Variants in PARD3B observed in about 807,000 individuals in gnomAD.
The protein encoded by PARD3B is partitioning defective 3 homolog B.
A neutral mutation model predicts 130.2 loss-of-function variants in PARD3B; 103 were observed. The ratio of observed to expected loss-of-function variants is 0.79; its 90% CI spans 0.67 to 0.93. The LOEUF (loss-of-function observed/expected upper bound fraction) is 0.93, where lower values mean the gene tolerates loss of function less well. Ranked by LOEUF, PARD3B falls within the 40% of genes least tolerant of loss-of-function variation. PARD3B has a pLI of 0.00. For synonymous variants in PARD3B, 583 were observed against 553.2 expected (o/e 1.05, Z -0.76); for missense variants, 1,609 against 1,499.2 (o/e 1.07, Z -1.21).
At chr2:204,596,840 CCCGGGAGG>C (rs1478714096) in intron 1 of PARD3B, among the ~76,000 whole-genome samples, 2 of 151,894 alleles carry the variant, frequency 1.3e-5, no homozygotes, top group East Asian at 3.9e-4. Context: ...ATTGCTTGAA[CCCGGGAGG>C]CAGAGGTTGC....
At chr2:204,963,898 A>G (rs1259338054) in intron 2 of PARD3B, among the ~76,000 whole-genome samples, 1 of 152,196 alleles carries the variant, frequency 6.6e-6, no homozygotes. Context: ...CCATACTGGA[A>G]ATGAGTAGTC....
At chr2:205,165,800 C>T (rs1206479001) in intron 11 of PARD3B, among the ~76,000 whole-genome samples, 2 of 151,962 alleles carry the variant, frequency 1.3e-5, no homozygotes, top group Non-Finnish European at 2.9e-5. Flanking sequence ...AGGTGATTTG[C>T]TGCTGGGACT....
intron 3 of PARD3B, among the ~76,000 whole-genome samples, chr2:204,975,220 G>A (rs900284417): frequency 6.6e-6 from 1 of 152,126 alleles, no homozygotes; most frequent in African/African-American, 2.4e-5. Flanking sequence ...AGTTGATGGG[G>A]AGGTTCAAGG....
rs74710504 is a variant in PARD3B, at chr2:205,437,011, A to T, written c.2742-3359A>T. Among the ~76,000 whole-genome samples the T allele has an allele frequency of 6.7e-3, 1,021 of 152,052 alleles. 7 individuals are homozygous for T. Among genetic ancestry groups the T allele is most frequent in the Middle Eastern group, 0.02 (6 of 294 alleles). On this transcript the variant is annotated intron_variant, in intron 19 of 22. Coordinates refer to ENST00000406610, the MANE Select transcript of PARD3B (RefSeq NM_001302769.2). The stretch of plus-strand genomic sequence containing the variant: ...GATCCCCACAAAGAATTACCGTACA[A>T]TTCCAGGGTCCTATTCCTATCCTTA...
Position 205,500,026 on chromosome 2 carries a change from C to G in PARD3B, c.3175C>G (p.Leu1059Val). ...AGCAAGGCCATCTGAGTATGACCTA[C>G]TCTGGGTAAGCGCATGCATGATTTC... Reference protein sequence around the residue: ...GRARPSEYDLLWVPGRGPDGN... With the variant: ...GRARPSEYDLVWVPGRGPDGN... The change falls in exon 21 of 23, where the codon CTC (leucine) becomes GTC (valine). Residue 1059 changes from leucine to valine, a missense_variant. Coordinates refer to ENST00000406610, the MANE Select transcript of PARD3B (RefSeq NM_001302769.2). 2 of 1,613,438 alleles carry G rather than the reference C, an allele frequency of 1.2e-6. No individual in the cohort carries two copies. The highest frequency in any genetic ancestry group is 1.7e-6 in the Non-Finnish European group (2 of 1,179,604).
chr2:205,185,248 G>A (rs539645285), intron 13 of PARD3B, among the ~76,000 whole-genome samples: 9 of 149,490 alleles, frequency 6.0e-5, no homozygotes, highest in Admixed American at 4.6e-4. Flanking sequence ...AAAAAAGAGC[G>A]CACGTTTGTG....
At chr2:204,932,081 C>T (rs1274250722) in intron 2 of PARD3B, among the ~76,000 whole-genome samples, 1 of 152,054 alleles carries the variant, frequency 6.6e-6, no homozygotes, top group Non-Finnish European at 1.5e-5. Flanking sequence ...GTAAGCTACA[C>T]ATTTGGTATT....
chr2:204,766,320 A>G (rs1289025484), intron 2 of PARD3B, among the ~76,000 whole-genome samples: 1 of 152,158 alleles, frequency 6.6e-6, no homozygotes, highest in Non-Finnish European at 1.5e-5. Context: ...AAAATATTTA[A>G]TATTCTCATT....
chr2:205,127,296 C>CAAAA (rs34822432), intron 10 of PARD3B, among the ~76,000 whole-genome samples: 1 of 100,634 alleles, frequency 9.9e-6, no homozygotes, highest in African/African-American at 4.0e-5. Flanking sequence ...GACTCTGTCT[C>CAAAA]AAAAAAAAAA....
rs114487403 is a variant in PARD3B at position 205,289,999 on chromosome 2, A to G, written c.2186-10531A>G. Among the ~76,000 whole-genome samples, 1,269 of 152,292 alleles carry G rather than the reference A, an allele frequency of 8.3e-3. 23 individuals are homozygous for G. The highest frequency in any genetic ancestry group is 0.029 in the African/African-American group (1,187 of 41,544). On this transcript the variant is annotated intron_variant, in intron 16 of 22. Coordinates refer to ENST00000406610, the MANE Select transcript of PARD3B (RefSeq NM_001302769.2). ...CATTCTCAGGTATTCAGTTATAGCAACAAAAAACGGACTAAGAGAACCCAA... is the reference window on the plus strand; with the variant it reads ...CATTCTCAGGTATTCAGTTATAGCAGCAAAAAACGGACTAAGAGAACCCAA...
chr2:205,567,216 G>A (rs1346244081), intron 22 of PARD3B, among the ~76,000 whole-genome samples: 1 of 151,098 alleles, frequency 6.6e-6, no homozygotes, highest in Non-Finnish European at 1.5e-5. Context: ...GGAGGATAGA[G>A]AGGAAGGGAA....
chr2:204,637,725 T>A (rs1168693523), intron 1 of PARD3B, among the ~76,000 whole-genome samples: 2 of 152,166 alleles, frequency 1.3e-5, no homozygotes, highest in East Asian at 3.9e-4. Context: ...GCAAATTGGT[T>A]ACAGCTTTTT....
At position 205,185,860 on chromosome 2, in the gene PARD3B, A is replaced by C; in HGVS notation, c.2021A>C (p.His674Pro). The C allele has an allele frequency of 6.2e-7, 1 of 1,610,024 alleles. No homozygotes were observed. Among genetic ancestry groups the C allele is most frequent in the Middle Eastern group, 1.7e-4 (1 of 6,058 alleles). Residue 674 changes from histidine (H) to proline (P), a missense_variant, in exon 14 of 23, where the codon CAC (histidine) becomes CCC (proline). His to Pro is a moderately conservative substitution (Grantham distance 77). Coordinates refer to ENST00000406610, the MANE Select transcript of PARD3B (RefSeq NM_001302769.2). ...ALGLGLEDYS[H>P]SSGVDSAVYF... is the part of the protein sequence containing the mutation. The stretch of plus-strand genomic sequence containing the variant: ...GGATTGGGCCTCGAAGATTACAGCC[A>C]CAGGTATTGATAAAATGATGTATCG...
At chr2:205,090,808 C>T (rs576533484) in intron 4 of PARD3B, among the ~76,000 whole-genome samples, 21 of 152,120 alleles carry the variant, frequency 1.4e-4, no homozygotes, top group Non-Finnish European at 2.4e-4. Context: ...GATGCACATG[C>T]TATGGGAAAA....
chr2:204,939,332 G>A lies in PARD3B; in HGVS notation c.223-25820G>A, dbSNP rs144492522. Among the ~76,000 whole-genome samples, 1,366 of 152,128 alleles carry A rather than the reference G, an allele frequency of 9.0e-3. 25 individuals carry two copies. Among genetic ancestry groups the A allele is most frequent in the African/African-American group, 0.031 (1,296 of 41,508 alleles). On this transcript the variant is annotated intron_variant, in intron 2 of 22. Coordinates refer to ENST00000406610, the MANE Select transcript of PARD3B (RefSeq NM_001302769.2). ...AAGATATTAAGTGCCAGAATTTTTT[G>A]TCTATTAACCCAAATATAATAAAAA...
At chr2:205,231,931 G>A (rs1295976914) in intron 15 of PARD3B, among the ~76,000 whole-genome samples, 1 of 152,190 alleles carries the variant, frequency 6.6e-6, no homozygotes. Context: ...AGTACCCAGA[G>A]CACACTCAAG....
intron 19 of PARD3B, among the ~76,000 whole-genome samples, chr2:205,402,926 A>G (rs1235616797): frequency 6.6e-6 from 1 of 152,168 alleles, no homozygotes; most frequent in Non-Finnish European, 1.5e-5. Context: ...GACCAAAGGC[A>G]TTTCAACAGC....
At chr2:204,931,277 T>C (rs1331295986) in intron 2 of PARD3B, among the ~76,000 whole-genome samples, 1 of 152,112 alleles carries the variant, frequency 6.6e-6, no homozygotes, top group Non-Finnish European at 1.5e-5. Flanking sequence ...AAGGTTCAGT[T>C]TCCTTGTTTG....
intron 1 of PARD3B, among the ~76,000 whole-genome samples, chr2:204,564,048 G>A (rs1050088033): frequency 1.3e-5 from 2 of 152,112 alleles, no homozygotes; most frequent in Non-Finnish European, 2.9e-5. Flanking sequence ...TGCTGGGATT[G>A]CAGGCGTGAG....
Sources: gnomAD v4.1 joint callset for allele counts (sites outside exome capture counted in the v4.1 genomes callset) on GRCh38, gnomAD v4.1.1 for gene constraint, MANE v1.5 for transcripts, NCBI Gene and HGNC (gene_info 2026-07-23, HGNC 2026-07-21) for gene names.